Variants in CROT observed in about 807,000 individuals in gnomAD.
CROT encodes peroxisomal carnitine O-octanoyltransferase.
A neutral mutation model predicts 89.2 loss-of-function variants in CROT; 84 were observed. That is an observed-to-expected ratio of 0.94 (90% CI 0.79 to 1.13). The LOEUF is 1.13. CROT is among the 50% of genes most tolerant of loss of function. The pLI is 0.00. For missense variants in CROT, 711 were observed against 727.8 expected (o/e 0.98, Z 0.27); for synonymous variants, 212 against 239.5 (o/e 0.89, Z 1.06).
intron 4 of CROT, chr7:87,359,925 C>G: frequency 1.0e-6 from 1 of 984,254 alleles, no homozygotes; most frequent in Non-Finnish European, 1.2e-6. Context: ...TTGTATAATT[C>G]AAAAGCATTG....
chr7:87,369,595 T>G, intron 7 of CROT, 111 bp downstream of exon 7: 1 of 488,284 alleles, frequency 2.0e-6, no homozygotes, highest in Non-Finnish European at 3.5e-6. Flanking sequence ...AAATAAGAAT[T>G]TTATGCATGC....
In CROT at chr7:87,396,741, T is replaced by C. The variant is rs150990224; in HGVS notation, c.1719-1783T>C. Among the ~76,000 whole-genome samples, 289 of 152,194 alleles carry C rather than the reference T, an allele frequency of 1.9e-3. 1 individual carries two copies. The highest frequency in any genetic ancestry group is 6.6e-3 in the African/African-American group (276 of 41,526). The stretch of plus-strand genomic sequence containing the variant: ...AAAACTACATAAGAACAAAGTTATC[T>C]ACATTTCCATTACATGGCATAAGAC... On this transcript the variant is annotated intron_variant, in intron 17 of 17. Transcript: ENST00000331536.
At chr7:87,390,576 C>T (rs1026238837) in intron 13 of CROT, among the ~76,000 whole-genome samples, 5 of 152,188 alleles carry the variant, frequency 3.3e-5, no homozygotes, top group African/African-American at 1.2e-4. Flanking sequence ...CTAGTACCCA[C>T]ATTCAGAGAC....
Position 87,398,730 on chromosome 7 carries a change from T to C in CROT, c.*86T>C, listed in dbSNP as rs1401681501. On this transcript the variant is annotated 3_prime_UTR_variant, in exon 18 of 18. Coordinates refer to ENST00000331536, the MANE Select transcript of CROT (RefSeq NM_021151.4). ...GTTGGTAATATGAGATGGGAAGGAA[T>C]GTTGACTTGCTAACATTCCTTTAAC... is the stretch of plus-strand genomic sequence containing the variant. The C allele has an allele frequency of 1.2e-5, 15 of 1,288,538 alleles. No individual in the cohort carries two copies. The highest frequency in any genetic ancestry group is 4.1e-5 in the South Asian group (3 of 73,064). 79.8% of individuals were successfully genotyped at this position (1,288,538 alleles called of 1,614,324 possible).
At chr7:87,379,018 T>TA (rs1352504857) in intron 10 of CROT, among the ~76,000 whole-genome samples, 1 of 152,182 alleles carries the variant, frequency 6.6e-6, no homozygotes, top group Non-Finnish European at 1.5e-5. Context: ...TAGTTCTTGT[T>TA]AATTGCCTCA....
At chr7:87,354,537 C>T in intron 3 of CROT, 2 of 374,116 alleles carry the variant, frequency 5.3e-6, no homozygotes, top group Non-Finnish European at 5.4e-6. Context: ...TCAAGTTATA[C>T]TAGAGGTAAA....
intron 7 of CROT, among the ~76,000 whole-genome samples, chr7:87,372,247 T>C (rs1806667588): frequency 6.6e-6 from 1 of 152,232 alleles, no homozygotes; most frequent in Non-Finnish European, 1.5e-5. Context: ...TAATCTTTTA[T>C]ACATTATGTG....
chr7:87,385,834 T>C (rs1427553056), intron 13 of CROT, among the ~76,000 whole-genome samples: 1 of 152,242 alleles, frequency 6.6e-6, no homozygotes, highest in Non-Finnish European at 1.5e-5. Flanking sequence ...TGGCTTTTAT[T>C]GTTTTGATGT....
chr7:87,392,591 T>TA lies in CROT; in HGVS notation c.1452dup (p.Gln485ThrfsTer7). On this transcript the variant is annotated frameshift_variant, in exon 15 of 18. Transcript: ENST00000331536. LOFTEE classifies it high-confidence loss of function. ...CTTCGTGAGCGGCAGCAAAAGATGT[T>TA]ACAAGCTTTTGCAAAGCATAATAAA... is the stretch of plus-strand genomic sequence containing the variant. The TA allele has an allele frequency of 6.2e-7, 1 of 1,613,586 alleles. No homozygotes were observed. The highest frequency in any genetic ancestry group is 8.5e-7 in the Non-Finnish European group (1 of 1,179,674).
intron 6 of CROT, among the ~76,000 whole-genome samples, chr7:87,365,013 A>G (rs1806393484): frequency 6.6e-6 from 1 of 152,198 alleles, no homozygotes; most frequent in African/African-American, 2.4e-5. Context: ...GTTACTGAAC[A>G]CTGCTGAGTG....
intron 7 of CROT, among the ~76,000 whole-genome samples, chr7:87,374,089 T>C (rs972219275): frequency 1.1e-4 from 16 of 152,062 alleles, no homozygotes; most frequent in Admixed American, 1.0e-3. Context: ...GAAGCCAGAC[T>C]GTGTGGGTTA....
chr7:87,370,373 A>C (rs918147746), intron 7 of CROT, among the ~76,000 whole-genome samples: 2 of 152,016 alleles, frequency 1.3e-5, no homozygotes, highest in African/African-American at 4.8e-5. Context: ...AGTAGGGATG[A>C]GGTTTTGCCG....
Position 87,374,963 on chromosome 7 carries a change from T to C in CROT, c.657-669T>C, listed in dbSNP as rs781273883. Among the ~76,000 whole-genome samples the C allele has an allele frequency of 4.7e-4, 72 of 152,194 alleles. 1 individual carries two copies. The highest frequency in any genetic ancestry group is 2.3e-3 in the Admixed American group (35 of 15,272). On this transcript the variant is annotated intron_variant, in intron 7 of 17. Coordinates refer to ENST00000331536, the MANE Select transcript of CROT (RefSeq NM_021151.4). ...TAAAGCTCTGTGGATTTTTGACTGA[T>C]GTAAATTTCTTTATGGGAGAACCCA... is the stretch of plus-strand genomic sequence containing the variant.
At chr7:87,352,763 A>C (rs1805911346) in intron 3 of CROT, among the ~76,000 whole-genome samples, 1 of 152,228 alleles carries the variant, frequency 6.6e-6, no homozygotes, top group African/African-American at 2.4e-5. Context: ...CATAAGCCCT[A>C]CCTAGTTATG....
intron 3 of CROT, 45 bp from the exon 4 acceptor site, chr7:87,359,161 G>A (rs1288770197): frequency 7.8e-7 from 1 of 1,280,642 alleles, no homozygotes; most frequent in East Asian, 2.3e-5. Context: ...AGGTGAGTTG[G>A]TGGTACTTGG....
chr7:87,382,017 CTTT>C, intron 11 of CROT, 24 bp downstream of exon 11: 1 of 1,584,816 alleles, frequency 6.3e-7, no homozygotes, highest in Non-Finnish European at 8.6e-7. Flanking sequence ...AATATTTCAT[CTTT>C]TTTCTCCTAA....
intron 17 of CROT, among the ~76,000 whole-genome samples, chr7:87,396,483 A>G (rs980871029): frequency 6.6e-5 from 10 of 152,196 alleles, no homozygotes; most frequent in Admixed American, 2.6e-4. Context: ...GGACCCTTCT[A>G]TGATAGGAGC....
chr7:87,381,845 A>G, intron 10 of CROT, 65 bp from the exon 11 acceptor site: 2 of 1,124,860 alleles, frequency 1.8e-6, no homozygotes, highest in Non-Finnish European at 2.6e-6. Flanking sequence ...AAGTGAAAAT[A>G]AAATATTGGG....
chr7:87,360,873 C>G (rs1806244709), intron 4 of CROT, among the ~76,000 whole-genome samples: 5 of 152,142 alleles, frequency 3.3e-5, no homozygotes, highest in Admixed American at 3.3e-4. Flanking sequence ...GTAGTTAAAA[C>G]AAATAATACC....
Sources: allele counts gnomAD v4.1 joint callset (sites outside exome capture counted in the v4.1 genomes callset), GRCh38; gene constraint gnomAD v4.1.1; transcripts MANE v1.5; gene names NCBI Gene and HGNC (gene_info 2026-07-23, HGNC 2026-07-21).